SYT1: variants seen among roughly 807,000 people sequenced by gnomAD.
SYT1 encodes the protein synaptotagmin 1, also known as synaptotagmin-1.
In SYT1, 8 loss-of-function variants were observed where a neutral mutation model predicts 44.8. That is an observed-to-expected ratio of 0.18 (90% confidence interval 0.10 to 0.32). SYT1 has a LOEUF of 0.32. Ranked by LOEUF, SYT1 falls within the 10% of genes least tolerant of loss-of-function variation. The probability of loss-of-function intolerance (pLI) is 1.00; values close to 1 mark genes in which losing one functional copy is unlikely to be tolerated. For missense variants in SYT1, 286 were observed against 509.3 expected (o/e 0.56, Z 4.22); for synonymous variants, 154 against 188.8 (o/e 0.82, Z 1.51).
At chr12:79,384,323 T>A (rs913042188) in intron 9 of SYT1, among the ~76,000 whole-genome samples, 35 of 152,308 alleles carry the variant, frequency 2.3e-4, no homozygotes, top group Admixed American at 3.9e-4. Context: ...ATATAAAAAA[T>A]TTTGTAAGAT....
At chr12:78,911,680 G>A (rs1035031329) in intron 1 of SYT1, among the ~76,000 whole-genome samples, 2 of 152,070 alleles carry the variant, frequency 1.3e-5, no homozygotes, top group East Asian at 3.9e-4. Context: ...GCAGTCATGG[G>A]ACCAGTCAAC....
chr12:78,906,325 G>A (rs2137113174), intron 1 of SYT1, among the ~76,000 whole-genome samples: 1 of 152,194 alleles, frequency 6.6e-6, no homozygotes, highest in East Asian at 1.9e-4. Context: ...CTCATGACAA[G>A]TGGAAGTTCA....
intron 3 of SYT1, among the ~76,000 whole-genome samples, chr12:79,183,661 C>A (rs1481822261): frequency 6.6e-6 from 1 of 152,038 alleles, no homozygotes; most frequent in Non-Finnish European, 1.5e-5. Context: ...CTCCCTCTTA[C>A]CGTATAGATG....
intron 3 of SYT1, among the ~76,000 whole-genome samples, chr12:79,157,461 G>A (rs1043944307): frequency 1.3e-5 from 2 of 152,108 alleles, no homozygotes; most frequent in South Asian, 4.1e-4. Context: ...GTGACAAAAA[G>A]TCCCCCACTT....
chr12:79,262,279 A>T (rs1877871642), intron 4 of SYT1, among the ~76,000 whole-genome samples: 1 of 152,210 alleles, frequency 6.6e-6, no homozygotes, highest in African/African-American at 2.4e-5. Context: ...AATGTATTCA[A>T]TATAACCAGT....
chr12:78,894,990 T>A (rs1211620442), intron 1 of SYT1, among the ~76,000 whole-genome samples: 1 of 151,666 alleles, frequency 6.6e-6, no homozygotes, highest in South Asian at 2.1e-4. Context: ...CCACAATATA[T>A]ACATATATCA....
intron 2 of SYT1, among the ~76,000 whole-genome samples, chr12:79,000,792 A>T (rs1289272385): frequency 6.6e-6 from 1 of 152,120 alleles, no homozygotes; most frequent in Non-Finnish European, 1.5e-5. Context: ...TTTTTTCATC[A>T]CGATTTAATG....
intron 1 of SYT1, among the ~76,000 whole-genome samples, chr12:78,894,688 G>A (rs962955354): frequency 1.3e-5 from 2 of 151,420 alleles, no homozygotes; most frequent in Non-Finnish European, 3.0e-5. Flanking sequence ...AATATCTGAC[G>A]ATCTCACCAA....
intron 9 of SYT1, among the ~76,000 whole-genome samples, chr12:79,441,080 A>G (rs1206156770): frequency 1.3e-5 from 2 of 152,216 alleles, no homozygotes; most frequent in African/African-American, 4.8e-5. Context: ...TGCCCATCCC[A>G]GGTACATAAC....
At chr12:79,346,871 G>C (rs1261583420) in intron 8 of SYT1, among the ~76,000 whole-genome samples, 4 of 152,146 alleles carry the variant, frequency 2.6e-5, no homozygotes, top group Admixed American at 6.5e-5. Flanking sequence ...GTAGTATATA[G>C]TCCCTGCTCT....
At chr12:79,101,956 A>C (rs1010499186) in intron 3 of SYT1, among the ~76,000 whole-genome samples, 9 of 147,930 alleles carry the variant, frequency 6.1e-5, no homozygotes, top group African/African-American at 2.0e-4. Flanking sequence ...AAAGATATTA[A>C]ATAGTATTTT....
intron 1 of SYT1, among the ~76,000 whole-genome samples, chr12:78,937,619 C>T (rs1878133816): frequency 6.6e-6 from 1 of 152,038 alleles, no homozygotes; most frequent in Non-Finnish European, 1.5e-5. Context: ...CCATATTCTT[C>T]TATTAGCTGC....
intron 9 of SYT1, among the ~76,000 whole-genome samples, chr12:79,443,753 T>C (rs957341836): frequency 2.6e-5 from 4 of 152,160 alleles, no homozygotes; most frequent in African/African-American, 9.7e-5. Flanking sequence ...TGGCTTGACA[T>C]TGGCCTTGGT....
At position 79,023,827 on chromosome 12, in the gene SYT1, T is replaced by C. The variant is rs991584616; in HGVS notation, c.-83-23470T>C. ...TCTCTCCATGCACATTCATCACACA[T>C]CCACTTTTGTTTTCTGAACTATTCA... On this transcript the variant is annotated intron_variant, in intron 2 of 10. Coordinates refer to ENST00000261205, the MANE Select transcript of SYT1 (RefSeq NM_005639.3). Among the ~76,000 whole-genome samples, 5 of 151,620 alleles carry C rather than the reference T, an allele frequency of 3.3e-5. No homozygotes were observed. The South Asian group carries it at 1.0e-3, about 32-fold the overall frequency.
chr12:79,005,391 G>A (rs1370601806), intron 2 of SYT1, among the ~76,000 whole-genome samples: 4 of 151,996 alleles, frequency 2.6e-5, no homozygotes, highest in African/African-American at 9.6e-5. Context: ...TGCAATCTCA[G>A]TTTTCCTTTT....
chr12:78,976,916 T>G (rs144509679), intron 1 of SYT1, among the ~76,000 whole-genome samples: 2 of 152,138 alleles, frequency 1.3e-5, no homozygotes, highest in African/African-American at 2.4e-5. Flanking sequence ...TTATGCTACT[T>G]TATAACTCAG....
intron 9 of SYT1, among the ~76,000 whole-genome samples, chr12:79,379,189 C>T (rs1257122544): frequency 6.6e-6 from 1 of 152,102 alleles, no homozygotes; most frequent in Non-Finnish European, 1.5e-5. Flanking sequence ...AACATATCAA[C>T]AGAGAATTTT....
intron 3 of SYT1, among the ~76,000 whole-genome samples, chr12:79,138,449 A>G (rs1166817167): frequency 6.6e-6 from 1 of 152,226 alleles, no homozygotes; most frequent in Non-Finnish European, 1.5e-5. Context: ...AACTATTACT[A>G]GTAGTTTATT....
At chr12:79,090,831 T>G (rs1877725868) in intron 3 of SYT1, among the ~76,000 whole-genome samples, 1 of 151,958 alleles carries the variant, frequency 6.6e-6, no homozygotes, top group South Asian at 2.1e-4. Flanking sequence ...GGCTGTTGTT[T>G]CATTGTGCAG....
Sources: gnomAD v4.1 joint callset for allele counts (sites outside exome capture counted in the v4.1 genomes callset) on GRCh38, gnomAD v4.1.1 for gene constraint, MANE v1.5 for transcripts, NCBI Gene and HGNC (gene_info 2026-07-23, HGNC 2026-07-21) for gene names.